The following EPHB2 variants were observed in gnomAD, a reference collection of about 807,000 sequenced individuals.
The protein encoded by EPHB2 is ephrin type-B receptor 2.
In EPHB2, 18 loss-of-function variants were observed where a neutral mutation model predicts 96.4. The ratio of observed to expected loss-of-function variants is 0.19; its 90% CI spans 0.13 to 0.28. EPHB2 has a LOEUF of 0.28. EPHB2 is among the 10% of genes least tolerant of loss of function. The pLI, the probability that EPHB2 is intolerant of heterozygous loss-of-function variation, is 1.00. For synonymous variants in EPHB2, 506 were observed against 534.1 expected (o/e 0.95, Z 0.72); for missense variants, 989 against 1,355.4 (o/e 0.73, Z 4.25).
intron 3 of EPHB2, among the ~76,000 whole-genome samples, chr1:22,853,187 A>G (rs530243175): frequency 1.3e-5 from 2 of 152,360 alleles, no homozygotes; most frequent in African/African-American, 4.8e-5. Context: ...CGTCTCTACT[A>G]AAAATATGAT....
chr1:22,751,058 A>C (rs1245542906), intron 1 of EPHB2, among the ~76,000 whole-genome samples: 3 of 152,216 alleles, frequency 2.0e-5, no homozygotes, highest in Non-Finnish European at 4.4e-5. Flanking sequence ...TAGGTGAGCC[A>C]ATTTAAAAGT....
intron 1 of EPHB2, among the ~76,000 whole-genome samples, chr1:22,766,091 A>C (rs961626840): frequency 2.0e-5 from 3 of 152,172 alleles, no homozygotes; most frequent in Non-Finnish European, 4.4e-5. Context: ...AAGTTTAAAT[A>C]AGGCCAAGTG....
intron 1 of EPHB2, among the ~76,000 whole-genome samples, chr1:22,719,930 G>A (rs1339252594): frequency 1.3e-5 from 2 of 152,214 alleles, no homozygotes; most frequent in Admixed American, 6.5e-5. Context: ...GATTGGCTGG[G>A]CTCAGCTGGG....
At chr1:22,752,091 G>T (rs1190041032) in intron 1 of EPHB2, among the ~76,000 whole-genome samples, 1 of 152,238 alleles carries the variant, frequency 6.6e-6, no homozygotes, top group East Asian at 1.9e-4. Flanking sequence ...GTGAAACCAT[G>T]CAGGGTTATT....
intron 3 of EPHB2, among the ~76,000 whole-genome samples, chr1:22,795,934 C>T (rs766751721): frequency 1.3e-5 from 2 of 152,202 alleles, no homozygotes; most frequent in Non-Finnish European, 2.9e-5. Flanking sequence ...ACACGAGCCA[C>T]GTGTTCTCAG....
intron 3 of EPHB2, among the ~76,000 whole-genome samples, chr1:22,787,922 G>A (rs530491743): frequency 1.3e-5 from 2 of 152,290 alleles, no homozygotes; most frequent in East Asian, 1.9e-4. Context: ...TCACTCACGG[G>A]GTTGTTGGCA....
At chr1:22,889,208 T>C (rs1293895324) in intron 6 of EPHB2, among the ~76,000 whole-genome samples, 1 of 152,070 alleles carries the variant, frequency 6.6e-6, no homozygotes, top group Non-Finnish European at 1.5e-5. Context: ...CAGCTTCCAA[T>C]CCCTTGCCCA....
chr1:22,753,300 A>G (rs1644093354), intron 1 of EPHB2, among the ~76,000 whole-genome samples: 1 of 152,158 alleles, frequency 6.6e-6, no homozygotes, highest in African/African-American at 2.4e-5. Context: ...GGGGTCCCTT[A>G]CCAGATTGTT....
chr1:22,790,940 C>T lies in EPHB2; in HGVS notation c.811+5864C>T, dbSNP rs1644682530. Among the ~76,000 whole-genome samples, 1 of 152,214 alleles carries T rather than the reference C, an allele frequency of 6.6e-6. No homozygotes were observed. The highest frequency in any genetic ancestry group is 1.5e-5 in the Non-Finnish European group (1 of 68,046). The stretch of plus-strand genomic sequence containing the variant: ...TGCCCTGCTGTGCAGCCCCTGCTCT[C>T]TCCCCAGCTCATGGCCTCTCCTTGA... On this transcript the variant is annotated intron_variant, in intron 3 of 15. Transcript: ENST00000374630. The surrounding 1 kb of genome is among the most constrained non-coding windows in gnomAD (Gnocchi z 4.0).
chr1:22,894,813 C>A (rs1407235179), intron 7 of EPHB2, among the ~76,000 whole-genome samples: 1 of 152,070 alleles, frequency 6.6e-6, no homozygotes, highest in African/African-American at 2.4e-5. Flanking sequence ...CCTCACTAAG[C>A]CCAGTTTCTT....
chr1:22,902,253 C>A (rs1358653531), intron 9 of EPHB2, among the ~76,000 whole-genome samples: 3 of 152,170 alleles, frequency 2.0e-5, no homozygotes, highest in Non-Finnish European at 2.9e-5. Context: ...AGGTATCAGC[C>A]TAATAATGGC....
chr1:22,817,014 G>T (rs541215695), intron 3 of EPHB2, among the ~76,000 whole-genome samples: 2 of 152,304 alleles, frequency 1.3e-5, no homozygotes, highest in South Asian at 2.1e-4. Flanking sequence ...ATCACTGGCC[G>T]CTGGCTGAGG....
chr1:22,824,611 C>G (rs1645197088), intron 3 of EPHB2, among the ~76,000 whole-genome samples: 1 of 152,196 alleles, frequency 6.6e-6, no homozygotes, highest in Non-Finnish European at 1.5e-5. Flanking sequence ...GGCAGCCGCC[C>G]CTGTTTACTC....
chr1:22,754,047 G>A (rs1191287697), intron 1 of EPHB2, among the ~76,000 whole-genome samples: 2 of 152,168 alleles, frequency 1.3e-5, no homozygotes, highest in African/African-American at 4.8e-5. Flanking sequence ...GGGGTTCCAG[G>A]CCGCTGTAAG....
chr1:22,717,565 T>C (rs1643325612), intron 1 of EPHB2, among the ~76,000 whole-genome samples: 1 of 152,154 alleles, frequency 6.6e-6, no homozygotes, highest in Admixed American at 6.5e-5. Flanking sequence ...GAGCCTCAGC[T>C]TCCTCATCTG....
In EPHB2 at chr1:22,859,296, G is replaced by A. The variant is rs1186494007; in HGVS notation, c.812-3741G>A. 1.1e-4 allele frequency among the ~76,000 whole-genome samples: 14 copies of A among 126,794 alleles called. No homozygotes were observed. The East Asian group carries it at 2.8e-3, about 26-fold the overall frequency. The allele number at this position is 126,794 out of a possible 152,430, so 83.2% of individuals were successfully genotyped here. ...AAGCCAGGGGTGTGGGGTGGGCCTG[G>A]TGGGGGGGGGGGTATTGTACCTAGG... On this transcript the variant is annotated intron_variant, in intron 3 of 15. Coordinates refer to ENST00000374630, the MANE Select transcript of EPHB2 (RefSeq NM_017449.5).
chr1:22,817,741 TGG>T (rs1203143689), intron 3 of EPHB2, among the ~76,000 whole-genome samples: 4 of 152,210 alleles, frequency 2.6e-5, no homozygotes, highest in Non-Finnish European at 5.9e-5. Flanking sequence ...ATAGACACTC[TGG>T]GCATGAGTGA....
intron 1 of EPHB2, among the ~76,000 whole-genome samples, chr1:22,757,627 T>G (rs1363531729): frequency 6.6e-6 from 1 of 152,150 alleles, no homozygotes; most frequent in Non-Finnish European, 1.5e-5. Flanking sequence ...TTTGGGAGGC[T>G]GAGGCAGGTG....
Position 22,858,761 on chromosome 1 carries a change from T to C in EPHB2, c.812-4276T>C, listed in dbSNP as rs185699319. On this transcript the variant is annotated intron_variant, in intron 3 of 15. Coordinates refer to ENST00000374630, the MANE Select transcript of EPHB2 (RefSeq NM_017449.5). This position sits in a 1 kb window ranked among gnomAD's most constrained non-coding sequence, Gnocchi z 7.7. ...GCACCCCACAGTCACACAGTAGACTTGGGATCAGAATTGGCCTCTGCTACT... is the reference window on the plus strand; with the variant it reads ...GCACCCCACAGTCACACAGTAGACTCGGGATCAGAATTGGCCTCTGCTACT... Among the ~76,000 whole-genome samples the C allele has an allele frequency of 6.6e-5, 10 of 152,222 alleles. No homozygotes were observed. The highest frequency in any genetic ancestry group is 1.2e-4 in the Non-Finnish European group (8 of 68,000).
Sources: allele counts gnomAD v4.1 joint callset (sites outside exome capture counted in the v4.1 genomes callset), GRCh38; gene constraint gnomAD v4.1.1; non-coding constraint Gnocchi (gnomAD v3.1); transcripts MANE v1.5; gene names NCBI Gene and HGNC (gene_info 2026-07-23, HGNC 2026-07-21).